The following SRRD variants were observed in gnomAD, a reference collection of about 807,000 sequenced individuals.
SRRD encodes the protein SRR1 domain containing.
A neutral mutation model predicts 30.7 loss-of-function variants in SRRD; 28 were observed. The observed-to-expected ratio is 0.91, with a 90% CI of 0.68 to 1.25. The LOEUF (loss-of-function observed/expected upper bound fraction) is 1.25. Ranked by LOEUF, SRRD falls within the 50% of genes most tolerant of loss-of-function variation. The pLI, the probability that SRRD is intolerant of heterozygous loss-of-function variation, is 0.00. For missense variants in SRRD, 415 were observed against 417.3 expected (o/e 0.99, Z 0.05); for synonymous variants, 161 against 159.6 (o/e 1.01, Z -0.07).
Position 26,483,942 on chromosome 22 carries a change from CG to C in SRRD, c.54del (p.Lys19ArgfsTer65), listed in dbSNP as rs1351982960. ...GGAATCCTGGCAGGCGGCGGCTCCG[CG>C]GAAGAGGCGCTCCGCGGCTCGACGG... Reference protein sequence around the residue: ...ALESWQAAAPRKRRSAARRPR... With the variant: ...ALESWQAAAPXKRRSAARRPR... On this transcript the variant is annotated frameshift_variant, in exon 1 of 7. Transcript: ENST00000215917. LOFTEE classifies it high-confidence loss of function. 1.5e-6 allele frequency: 2 copies of C among 1,355,818 alleles called. No homozygotes were observed. Among genetic ancestry groups the C allele is most frequent in the African/African-American group, 1.5e-5 (1 of 64,722 alleles). The allele number at this position is 1,355,818 out of a possible 1,614,324, so 84.0% of individuals were successfully genotyped here.
At position 26,488,187 on chromosome 22, in the gene SRRD, T is replaced by C. The variant is rs755815604; in HGVS notation, c.409T>C (p.Cys137Arg). 15 of 1,614,240 alleles carry C rather than the reference T, an allele frequency of 9.3e-6. No individual in the cohort carries two copies. Among genetic ancestry groups the C allele is most frequent in the Middle Eastern group, 1.6e-4 (1 of 6,062 alleles). Residue 137 changes from cysteine (C) to arginine (R), a missense_variant, in exon 3 of 7, where the codon TGC becomes CGC. Cys to Arg is a radical substitution (Grantham distance 180). Transcript: ENST00000215917. ...IPREILVTGT[C>R]HLKCVCYGIG... The stretch of plus-strand genomic sequence containing the variant: ...AAGAGAGATCTTGGTCACAGGAACC[T>C]GCCATTTGAAGTGTGTGTGTTACGG...
chr22:26,487,687 A>T (rs891992615), intron 2 of SRRD, among the ~76,000 whole-genome samples: 3 of 152,234 alleles, frequency 2.0e-5, no homozygotes, highest in Non-Finnish European at 4.4e-5. Flanking sequence ...ATTTCAGAGC[A>T]TAGTCTACAT....
chr22:26,483,898 C>G lies in SRRD; in HGVS notation c.8C>G (p.Ala3Gly), dbSNP rs1289618366. Residue 3 changes from alanine (A) to glycine (G), a missense_variant, in exon 1 of 7, where the codon GCG becomes GGG. Transcript: ENST00000215917. The part of the protein sequence containing the change: MA[A>G]AAAAALESWQ... Reference sequence around the variant, plus strand: ...CGCTGACGTCAGAGACCAATGGCTGCGGCCGCAGCTGCGGCGCTGGAATCC... The same window carrying G: ...CGCTGACGTCAGAGACCAATGGCTGGGGCCGCAGCTGCGGCGCTGGAATCC... The G allele has an allele frequency of 1.5e-6, 2 of 1,346,912 alleles. No individual in the cohort carries two copies. Among genetic ancestry groups the G allele is most frequent in the African/African-American group, 3.1e-5 (2 of 64,702 alleles). The allele number at this position is 1,346,912 out of a possible 1,614,324, so 83.4% of individuals were successfully genotyped here. A position where few individuals can be genotyped will look rare whatever the true frequency, so the allele number is the denominator to read the frequency against.
chr22:26,489,959 A>G (rs1920989651), intron 4 of SRRD, 85 bp from the exon 5 acceptor site: 1 of 1,485,582 alleles, frequency 6.7e-7, no homozygotes, highest in Non-Finnish European at 9.2e-7. Flanking sequence ...TTGTCTCATG[A>G]TTATCCCCAT....
chr22:26,487,984 G>C (rs2091720635), intron 2 of SRRD, 45 bp from the exon 3 acceptor site: 5 of 1,559,630 alleles, frequency 3.2e-6, no homozygotes, highest in Non-Finnish European at 3.5e-6. Flanking sequence ...GGTTCACAGG[G>C]TCAGAACATG....
chr22:26,492,166 G>A lies in SRRD; in HGVS notation c.*494G>A. On this transcript the variant is annotated 3_prime_UTR_variant, in exon 7 of 7. Coordinates refer to ENST00000215917, the MANE Select transcript of SRRD (RefSeq NM_001013694.3). ...GTCGCTTCCCAATGACGGGCATGAAGACAATGTTGTGCTCCTCAGCCTTGG... is the reference window on the plus strand; with the variant it reads ...GTCGCTTCCCAATGACGGGCATGAAAACAATGTTGTGCTCCTCAGCCTTGG... The A allele has an allele frequency of 6.2e-7, 1 of 1,614,228 alleles. No homozygotes were observed. The highest frequency in any genetic ancestry group is 8.5e-7 in the Non-Finnish European group (1 of 1,180,052).
At chr22:26,486,221 GTTTC>G (rs1413367388) in intron 2 of SRRD, among the ~76,000 whole-genome samples, 158 bp downstream of exon 2, 3 of 152,282 alleles carry the variant, frequency 2.0e-5, no homozygotes, top group Non-Finnish European at 2.9e-5. Context: ...CTGATCCTCA[GTTTC>G]TTTATCTGTG....
chr22:26,487,296 C>G, intron 2 of SRRD, among the ~76,000 whole-genome samples: 1 of 152,008 alleles, frequency 6.6e-6, no homozygotes, highest in East Asian at 1.9e-4. Flanking sequence ...AAATTCAGTA[C>G]CAGTACAATA....
Position 26,492,285 on chromosome 22 carries a change from T to C in SRRD, c.*613T>C. On this transcript the variant is annotated 3_prime_UTR_variant, in exon 7 of 7. Transcript: ENST00000215917. ...TTCTCAGCCTCCCGCCTCTCCTGCA[T>C]GGCCTCGTACTGGAAGTCCTTCCTC... 2 of 1,614,224 alleles carry C rather than the reference T, an allele frequency of 1.2e-6. No homozygotes were observed. The highest frequency in any genetic ancestry group is 1.7e-6 in the Non-Finnish European group (2 of 1,180,036).
chr22:26,494,517 C>G lies in SRRD; in HGVS notation c.*2845C>G, dbSNP rs1400395458. The G allele has an allele frequency of 9.9e-6, 7 of 710,188 alleles. No homozygotes were observed. In the East Asian group the frequency reaches 1.9e-4, roughly 19 times the overall value. The allele number at this position is 710,188 out of a possible 1,614,324, so 44.0% of individuals were successfully genotyped here. A position where few individuals can be genotyped will look rare whatever the true frequency, so the allele number is the denominator to read the frequency against. ...GCCCTTGCATGTAAACTCTCTGAGC[C>G]TCAGCTTCCATGTCTACACAACAGG... On this transcript the variant is annotated 3_prime_UTR_variant, in exon 7 of 7. Coordinates refer to ENST00000215917, the MANE Select transcript of SRRD (RefSeq NM_001013694.3).
chr22:26,492,058 C>A lies in SRRD; in HGVS notation c.*386C>A. 6.2e-7 allele frequency: 1 copy of A among 1,609,062 alleles called. No homozygotes were observed. The highest frequency in any genetic ancestry group is 8.5e-7 in the Non-Finnish European group (1 of 1,177,732). The stretch of plus-strand genomic sequence containing the variant: ...GGCTCTGCAGTGAGGTGGGCACCCA[C>A]GTCTTCTCGCCCTGGACAAAGACCA... On this transcript the variant is annotated 3_prime_UTR_variant, in exon 7 of 7. Transcript: ENST00000215917.
chr22:26,491,317 G>A, intron 6 of SRRD, 146 bp from the exon 7 acceptor site: 1 of 766,234 alleles, frequency 1.3e-6, no homozygotes, highest in Non-Finnish European at 2.1e-6. Flanking sequence ...CCAATTCATT[G>A]TGCAAAAGCA....
rs183342813 is a variant in SRRD, at chr22:26,488,961, C to G, written c.609+473C>G. On this transcript the variant is annotated intron_variant, in intron 4 of 6. Coordinates refer to ENST00000215917, the MANE Select transcript of SRRD (RefSeq NM_001013694.3). ...ATTCTCTGCCCATGTTTGCACCCCC[C>G]AAAATAGCTGGGATTTGACATTTCT... Among the ~76,000 whole-genome samples, 120 of 152,302 alleles carry G rather than the reference C, an allele frequency of 7.9e-4. 2 individuals are homozygous for G. The highest frequency in any genetic ancestry group is 7.5e-3 in the Admixed American group (115 of 15,306).
intron 5 of SRRD, 63 bp downstream of exon 5, chr22:26,490,261 C>A: frequency 1.3e-6 from 2 of 1,566,634 alleles, no homozygotes; most frequent in South Asian, 2.3e-5. Context: ...TCAGATTGAC[C>A]CACATGCAGA....
rs1323948661 is a variant in SRRD, at chr22:26,483,900, G to C, written c.10G>C (p.Ala4Pro). Reference protein sequence around the residue: MAAAAAAALESWQA... With the variant: MAAPAAAALESWQA... Reference sequence around the variant, plus strand: ...CTGACGTCAGAGACCAATGGCTGCGGCCGCAGCTGCGGCGCTGGAATCCTG... The same window carrying C: ...CTGACGTCAGAGACCAATGGCTGCGCCCGCAGCTGCGGCGCTGGAATCCTG... Residue 4 changes from alanine to proline, a missense_variant, in exon 1 of 7, where the codon GCC (alanine) becomes CCC (proline). Physicochemically the swap from Ala to Pro is conservative, Grantham distance 27. Coordinates refer to ENST00000215917, the MANE Select transcript of SRRD (RefSeq NM_001013694.3). 3.0e-6 allele frequency: 4 copies of C among 1,347,364 alleles called. No individual in the cohort carries two copies. In the East Asian group the frequency reaches 1.2e-4, roughly 42 times the overall value. The allele number at this position is 1,347,364 out of a possible 1,614,324, so 83.5% of individuals were successfully genotyped here.
At chr22:26,485,997 G>A (rs376207898) in intron 1 of SRRD, 26 bp from the exon 2 acceptor site, 1 of 1,614,048 alleles carries the variant, frequency 6.2e-7, no homozygotes, top group African/African-American at 1.3e-5. Flanking sequence ...GGTGGGACAT[G>A]ACTGTGCCAT....
At position 26,483,918 on chromosome 22, in the gene SRRD, G is replaced by C. The variant is rs1324047909; in HGVS notation, c.28G>C (p.Glu10Gln). ...GGCTGCGGCCGCAGCTGCGGCGCTG[G>C]AATCCTGGCAGGCGGCGGCTCCGCG... MAAAAAAAL[E>Q]SWQAAAPRKR... The change falls in exon 1 of 7, where the codon GAA becomes CAA. Residue 10 changes from glutamate (E) to glutamine (Q), a missense_variant. Transcript: ENST00000215917. The C allele has an allele frequency of 6.7e-6, 9 of 1,350,010 alleles. No individual in the cohort carries two copies. The highest frequency in any genetic ancestry group is 8.5e-6 in the Non-Finnish European group (9 of 1,061,420). The allele number at this position is 1,350,010 out of a possible 1,614,324, so 83.6% of individuals were successfully genotyped here.
rs1921580699 is a variant in SRRD at position 26,493,986 on chromosome 22, A to AG, written c.*2315dup. Reference sequence around the variant, plus strand: ...TGGGTGCCAGCTGACCATGTACCCCAGTCAGCAGGGTGAGAGTCTGTTGCT... The same window carrying AG: ...TGGGTGCCAGCTGACCATGTACCCCAGGTCAGCAGGGTGAGAGTCTGTTGCT... On this transcript the variant is annotated 3_prime_UTR_variant, in exon 7 of 7. Transcript: ENST00000215917. 1.3e-5 allele frequency: 10 copies of AG among 781,672 alleles called. No homozygotes were observed. The South Asian group carries it at 1.8e-4, about 14-fold the overall frequency. 48.4% of individuals were successfully genotyped at this position (781,672 alleles called of 1,614,324 possible).
chr22:26,485,854 TG>T (rs1415014346), intron 1 of SRRD, among the ~76,000 whole-genome samples, 168 bp from the exon 2 acceptor site: 1 of 152,224 alleles, frequency 6.6e-6, no homozygotes, highest in Admixed American at 6.5e-5. Flanking sequence ...GTATGTGCTC[TG>T]GCTCTGGACA....
Sources: gnomAD v4.1 joint callset for allele counts (sites outside exome capture counted in the v4.1 genomes callset) on GRCh38, gnomAD v4.1.1 for gene constraint, MANE v1.5 for transcripts, NCBI Gene and HGNC (gene_info 2026-07-23, HGNC 2026-07-21) for gene names.